SPAG17: variants seen among roughly 807,000 people sequenced by gnomAD.
The protein encoded by SPAG17 is sperm associated antigen 17.
SPAG17 carries 169 observed loss-of-function variants against 273.6 expected under a neutral mutation model. That is an observed-to-expected ratio of 0.62 (90% CI 0.55 to 0.70). The LOEUF (loss-of-function observed/expected upper bound fraction) is 0.70, where lower values mean the gene tolerates loss of function less well. Among genes scored for constraint, SPAG17 ranks in the 30% least tolerant of loss-of-function variants. The pLI, the probability that SPAG17 is intolerant of heterozygous loss-of-function variation, is 0.00. For missense variants in SPAG17, 2,557 were observed against 2,627.8 expected (o/e 0.97, Z 0.59); for synonymous variants, 825 against 873.2 (o/e 0.94, Z 0.97).
chr1:117,969,307 G>A (rs372145956), intron 46 of SPAG17, among the ~76,000 whole-genome samples: 25 of 152,068 alleles, frequency 1.6e-4, no homozygotes, highest in African/African-American at 3.1e-4. Flanking sequence ...TTGGTTGGGC[G>A]CAGTGGCTCA....
At chr1:118,045,655 T>C (rs765215786) in intron 20 of SPAG17, among the ~76,000 whole-genome samples, 1 of 152,192 alleles carries the variant, frequency 6.6e-6, no homozygotes, top group African/African-American at 2.4e-5. Flanking sequence ...AAGGAGGTGA[T>C]TGTGGAAACC....
intron 3 of SPAG17, among the ~76,000 whole-genome samples, chr1:118,119,259 AG>A (rs2102267651): frequency 6.6e-6 from 1 of 152,220 alleles, no homozygotes; most frequent in East Asian, 1.9e-4. Context: ...AGTCATATGA[AG>A]CAGCTTGAAT....
intron 47 of SPAG17, chr1:117,964,908 T>G (rs1258795180): frequency 6.6e-6 from 1 of 152,212 alleles, no homozygotes; most frequent in Non-Finnish European, 1.5e-5. Flanking sequence ...TTTTTATTAT[T>G]CTTTTGCCCT....
chr1:118,131,103 T>C (rs1658029868), intron 3 of SPAG17, among the ~76,000 whole-genome samples: 1 of 152,230 alleles, frequency 6.6e-6, no homozygotes, highest in South Asian at 2.1e-4. Flanking sequence ...CCTTAGGATA[T>C]AGATTCCTTA....
intron 13 of SPAG17, among the ~76,000 whole-genome samples, chr1:118,082,723 TAGTC>T (rs1199182319): frequency 6.6e-6 from 1 of 152,078 alleles, no homozygotes; most frequent in Non-Finnish European, 1.5e-5. Flanking sequence ...AAAGTGATAA[TAGTC>T]AGGGAGGGGC....
At chr1:118,125,528 CCT>C (rs1170694153) in intron 3 of SPAG17, among the ~76,000 whole-genome samples, 1 of 152,152 alleles carries the variant, frequency 6.6e-6, no homozygotes, top group Non-Finnish European at 1.5e-5. Flanking sequence ...CCTTTCTTCC[CCT>C]TTTTCCTCCC....
intron 46 of SPAG17, 64 bp downstream of exon 46, chr1:117,969,992 G>A: frequency 6.8e-7 from 1 of 1,478,160 alleles, no homozygotes; most frequent in Non-Finnish European, 9.3e-7. Flanking sequence ...CACTTCACTG[G>A]AAACCTATAC....
At chr1:118,147,634 T>G (rs1310587525) in intron 3 of SPAG17, among the ~76,000 whole-genome samples, 2 of 152,202 alleles carry the variant, frequency 1.3e-5, no homozygotes, top group African/African-American at 2.4e-5. Flanking sequence ...GAACTATGGT[T>G]TATAAATAAA....
chr1:118,000,481 T>C (rs1480695131), intron 32 of SPAG17, among the ~76,000 whole-genome samples: 1 of 152,236 alleles, frequency 6.6e-6, no homozygotes, highest in African/African-American at 2.4e-5. Context: ...CATTTGTTTA[T>C]GTCCTTTTCT....
chr1:118,156,634 G>T (rs1659662559), intron 1 of SPAG17, among the ~76,000 whole-genome samples: 1 of 152,130 alleles, frequency 6.6e-6, no homozygotes, highest in African/African-American at 2.4e-5. Context: ...CCAGATAGGA[G>T]AAAAAAGCCA....
intron 42 of SPAG17, 31 bp downstream of exon 42, chr1:117,983,780 A>G: frequency 6.9e-7 from 1 of 1,452,314 alleles, no homozygotes; most frequent in Non-Finnish European, 9.6e-7. Flanking sequence ...ACGGACATTT[A>G]ATAGGAATAT....
intron 31 of SPAG17, among the ~76,000 whole-genome samples, chr1:118,006,175 A>C (rs1173916625): frequency 6.6e-6 from 1 of 152,242 alleles, no homozygotes; most frequent in Non-Finnish European, 1.5e-5. Flanking sequence ...TAGTATATTC[A>C]AAAATGTGTG....
intron 10 of SPAG17, among the ~76,000 whole-genome samples, chr1:118,091,330 T>C (rs970726532): frequency 3.9e-5 from 6 of 152,162 alleles, no homozygotes; most frequent in African/African-American, 1.4e-4. Context: ...CTTTTCCTCT[T>C]CCATTAAAAT....
At position 118,022,432 on chromosome 1, in the gene SPAG17, A is replaced by AAAC. The variant is rs1647222092; in HGVS notation, c.4069+871_4069+872insGTT. On this transcript the variant is annotated intron_variant, in intron 28 of 48. Transcript: ENST00000336338. ...GAATAGGAAATTCACAAAATGAAACAAAACAAACAGGAAACATCTTTAGAT... is the reference window on the plus strand; with the variant it reads ...GAATAGGAAATTCACAAAATGAAACAAACAAACAAACAGGAAACATCTTTAGAT... Among the ~76,000 whole-genome samples, 3 of 151,396 alleles carry AAAC rather than the reference A, an allele frequency of 2.0e-5. No individual in the cohort carries two copies. The South Asian group carries it at 6.2e-4, about 31-fold the overall frequency.
At chr1:118,065,305 C>A (rs1652838031) in intron 18 of SPAG17, among the ~76,000 whole-genome samples, 1 of 151,964 alleles carries the variant, frequency 6.6e-6, no homozygotes, top group Non-Finnish European at 1.5e-5. Flanking sequence ...TGATAGAAGT[C>A]GTGTCAGTAA....
At chr1:118,059,828 C>T (rs1652094568) in intron 18 of SPAG17, among the ~76,000 whole-genome samples, 1 of 151,982 alleles carries the variant, frequency 6.6e-6, no homozygotes, top group Admixed American at 6.6e-5. Context: ...TATTTGTGCC[C>T]TTAAATCTAA....
chr1:118,146,820 G>A (rs1447122739), intron 3 of SPAG17, among the ~76,000 whole-genome samples: 1 of 152,076 alleles, frequency 6.6e-6, no homozygotes, highest in Non-Finnish European at 1.5e-5. Flanking sequence ...CCATTTCCCC[G>A]TGCACACAAT....
intron 25 of SPAG17, among the ~76,000 whole-genome samples, chr1:118,030,327 A>C (rs975213162): frequency 1.6e-4 from 25 of 151,838 alleles, no homozygotes; most frequent in Admixed American, 1.5e-3. Context: ...TTATTTGTAC[A>C]CTGTACTTTT....
At chr1:118,040,915 C>A (rs929355652) in intron 21 of SPAG17, 74 bp from the exon 22 acceptor site, 1 of 975,796 alleles carries the variant, frequency 1.0e-6, no homozygotes, top group African/African-American at 1.6e-5. Flanking sequence ...TGTTAGCCAA[C>A]TAAAGTTGCC....
Sources: gnomAD v4.1 joint callset for allele counts (sites outside exome capture counted in the v4.1 genomes callset) on GRCh38, gnomAD v4.1.1 for gene constraint, MANE v1.5 for transcripts, NCBI Gene and HGNC (gene_info 2026-07-23, HGNC 2026-07-21) for gene names.